Variants in SIN3B observed in about 807,000 individuals in gnomAD.
SIN3B encodes the protein paired amphipathic helix protein Sin3b.
A neutral mutation model predicts 120.2 loss-of-function variants in SIN3B; 19 were observed. The ratio of observed to expected loss-of-function variants is 0.16; its 90% CI spans 0.11 to 0.23. The LOEUF (loss-of-function observed/expected upper bound fraction) is 0.23. Ranked by LOEUF, SIN3B falls within the 10% of genes least tolerant of loss-of-function variation. The pLI is 1.00. For synonymous variants in SIN3B, 654 were observed against 653.2 expected (o/e 1.00, Z -0.02); for missense variants, 1,073 against 1,573.0 (o/e 0.68, Z 5.38).
Position 16,862,809 on chromosome 19 carries a change from T to TA in SIN3B, c.1266+251dup. The TA allele has an allele frequency of 8.1e-7, 1 of 1,230,404 alleles. No homozygotes were observed. Among genetic ancestry groups the TA allele is most frequent in the Non-Finnish European group, 1.2e-6 (1 of 835,512 alleles). 76.2% of individuals were successfully genotyped at this position (1,230,404 alleles called of 1,614,324 possible). A position where few individuals can be genotyped will look rare whatever the true frequency, so the allele number is the denominator to read the frequency against. ...CGTGGAGTTCGGCTTATTCATCTGT[T>TA]ATTTGACTTAGGTTTATTGCTGCCA... On this transcript the variant is annotated intron_variant, in intron 9 of 18. Coordinates refer to ENST00000248054, the MANE Select transcript of SIN3B (RefSeq NM_001297595.2). This position sits in a 1 kb window ranked among gnomAD's most constrained non-coding sequence, Gnocchi z 4.7.
chr19:16,869,557 C>T lies in SIN3B; in HGVS notation c.1904C>T (p.Ala635Val), dbSNP rs773092558. 1.2e-5 allele frequency: 20 copies of T among 1,613,734 alleles called. No homozygotes were observed. Among genetic ancestry groups the T allele is most frequent in the African/African-American group, 2.7e-5 (2 of 74,952 alleles). ...CGGCAGATCCTGGAGGACGCAGCAG[C>T]GCTCATCAGCTACTACGTGAAGCGG... is the stretch of plus-strand genomic sequence containing the variant. ...EDRQILEDAA[A>V]LISYYVKRQP... is the part of the protein sequence containing the mutation. Residue 635 changes from alanine to valine, a missense_variant, in exon 13 of 19, where the codon GCG becomes GTG. Physicochemically the swap from Ala to Val is moderately conservative, Grantham distance 64 (BLOSUM62 0). This residue lies in a region of SIN3B where 169 missense variants were observed against 207.3 expected (regional missense o/e 0.82). Transcript: ENST00000248054.
chr19:16,878,926 A>ATTTATT lies in SIN3B; in HGVS notation c.*199_*200insTTTATT. The ATTTATT allele has an allele frequency of 1.7e-6, 1 of 585,756 alleles. No homozygotes were observed. Among genetic ancestry groups the ATTTATT allele is most frequent in the Non-Finnish European group, 3.0e-6 (1 of 334,630 alleles). The allele number at this position is 585,756 out of a possible 1,614,324, so 36.3% of individuals were successfully genotyped here. A position where few individuals can be genotyped will look rare whatever the true frequency, so the allele number is the denominator to read the frequency against. ...GCCTGCTGTGTGCCAAACCTGAGCT[A>ATTTATT]CCTGCACCCGAGCCCTGGGGCTCAG... On this transcript the variant is annotated 3_prime_UTR_variant, in exon 19 of 19. Coordinates refer to ENST00000248054, the MANE Select transcript of SIN3B (RefSeq NM_001297595.2).
chr19:16,851,399 C>T lies in SIN3B; in HGVS notation c.727-13C>T. Reference sequence around the variant, plus strand: ...CGTCTCCGGTGCTGACCACCTCCCACATGTGTCCTTAGTTCACAGGAAACG... The same window carrying T: ...CGTCTCCGGTGCTGACCACCTCCCATATGTGTCCTTAGTTCACAGGAAACG... On this transcript the variant is annotated splice_polypyrimidine_tract_variant and intron_variant, in intron 5 of 18. Transcript: ENST00000248054. The T allele has an allele frequency of 1.3e-6, 2 of 1,585,984 alleles. No homozygotes were observed. The highest frequency in any genetic ancestry group is 1.2e-5 in the South Asian group (1 of 86,570).
Position 16,865,588 on chromosome 19 carries a change from C to A in SIN3B, c.1562C>A (p.Pro521Gln). Reference protein sequence around the residue: ...AIYRIYGDKAPEIIESLKKNP... With the variant: ...AIYRIYGDKAQEIIESLKKNP... ...TATCGCATCTATGGCGACAAGGCCCCGGAGATCATCGAGAGCCTCAAGAAG... is the reference window on the plus strand; with the variant it reads ...TATCGCATCTATGGCGACAAGGCCCAGGAGATCATCGAGAGCCTCAAGAAG... Residue 521 changes from proline (P) to glutamine (Q), a missense_variant, in exon 11 of 19, where the codon CCG (proline) becomes CAG (glutamine). Coordinates refer to ENST00000248054, the MANE Select transcript of SIN3B (RefSeq NM_001297595.2). The A allele has an allele frequency of 1.2e-6, 2 of 1,612,882 alleles. No homozygotes were observed. Among genetic ancestry groups the A allele is most frequent in the Non-Finnish European group, 1.7e-6 (2 of 1,179,368 alleles).
intron 3 of SIN3B, among the ~76,000 whole-genome samples, chr19:16,834,016 C>T (rs888910139): frequency 3.9e-5 from 6 of 152,080 alleles, no homozygotes; most frequent in African/African-American, 1.4e-4. Flanking sequence ...TGAGCCACCG[C>T]ACCCAGCTGA....
intron 5 of SIN3B, among the ~76,000 whole-genome samples, chr19:16,850,431 T>G (rs1020721271): frequency 6.6e-6 from 1 of 152,142 alleles, no homozygotes; most frequent in African/African-American, 2.4e-5. Context: ...CTTGGGTTTT[T>G]GGGGTTTTTC....
chr19:16,868,410 G>A (rs1193264052), intron 12 of SIN3B, among the ~76,000 whole-genome samples: 4 of 152,310 alleles, frequency 2.6e-5, no homozygotes, highest in South Asian at 2.1e-4. Flanking sequence ...GCCCTGCTGC[G>A]TCTGCCTCCC....
chr19:16,840,944 C>T (rs972571703), intron 3 of SIN3B, among the ~76,000 whole-genome samples: 2 of 152,150 alleles, frequency 1.3e-5, no homozygotes, highest in Admixed American at 6.5e-5. Context: ...AAAGAGCGTT[C>T]TCTAGGACTC....
chr19:16,854,207 A>G lies in SIN3B; in HGVS notation c.1004A>G (p.Asn335Ser), dbSNP rs760132977. Reference sequence around the variant, plus strand: ...TTCCTCCGCTGCATCGCACTCTTCAACCAGGAGCTGGTGTCTGGCTCTGAG... The same window carrying G: ...TTCCTCCGCTGCATCGCACTCTTCAGCCAGGAGCTGGTGTCTGGCTCTGAG... ...ENFLRCIALF[N>S]QELVSGSELL... The change falls in exon 8 of 19, where the codon AAC (asparagine) becomes AGC (serine). Residue 335 changes from asparagine to serine, a missense_variant. Transcript: ENST00000248054. 3 of 1,613,122 alleles carry G rather than the reference A, an allele frequency of 1.9e-6. No homozygotes were observed. The highest frequency in any genetic ancestry group is 1.3e-5 in the African/African-American group (1 of 75,006).
At chr19:16,854,355 G>A (rs1028652287) in intron 8 of SIN3B, 94 bp downstream of exon 8, 37 of 743,818 alleles carry the variant, frequency 5.0e-5, no homozygotes, top group Admixed American at 4.1e-4. Context: ...AGCAATGATT[G>A]TGCTTTTCTA....
In SIN3B at chr19:16,862,587, G is replaced by A. The variant is rs535662362; in HGVS notation, c.1266+28G>A. On this transcript the variant is annotated intron_variant, in intron 9 of 18. Coordinates refer to ENST00000248054, the MANE Select transcript of SIN3B (RefSeq NM_001297595.2). This position sits in a 1 kb window ranked among gnomAD's most constrained non-coding sequence, Gnocchi z 4.7. ...AGCGCTCCCTGGGGCTCAAATGTTC[G>A]TTGACATGGTGCATCCCCCACCCCT... 26 of 1,585,362 alleles carry A rather than the reference G, an allele frequency of 1.6e-5. No homozygotes were observed. Among genetic ancestry groups the A allele is most frequent in the African/African-American group, 9.4e-5 (7 of 74,364 alleles).
At chr19:16,873,465 G>A (rs2051538797) in intron 14 of SIN3B, among the ~76,000 whole-genome samples, 1 of 151,946 alleles carries the variant, frequency 6.6e-6, no homozygotes. Context: ...CCAGGGCCCA[G>A]CACATGGTGT....
intron 3 of SIN3B, among the ~76,000 whole-genome samples, chr19:16,831,970 A>T (rs1971284252): frequency 6.6e-6 from 1 of 152,204 alleles, no homozygotes; most frequent in Admixed American, 6.5e-5. Flanking sequence ...AGGCTTTCCC[A>T]GCGAGCATAC....
intron 4 of SIN3B, among the ~76,000 whole-genome samples, chr19:16,844,608 G>A (rs532414746): frequency 2.0e-5 from 3 of 152,342 alleles, no homozygotes; most frequent in African/African-American, 4.8e-5. Flanking sequence ...CCTCTGCAGA[G>A]TTGCAAAGTG....
In SIN3B at chr19:16,876,554, G is replaced by A; in HGVS notation, c.2835G>A (p.Gln945=). 1.2e-6 allele frequency: 2 copies of A among 1,613,472 alleles called. No homozygotes were observed. Among genetic ancestry groups the A allele is most frequent in the South Asian group, 2.2e-5 (2 of 91,090 alleles). ...AGCTCCTGGACACCGAGGAGGCCCA[G>A]ACGGAGGACCCTGTGGAGGTCCAGG... ...TIELLDTEEA[Q]TEDPVEVQHL... is the part of the protein sequence containing the mutation. Residue 945 remains glutamine, a synonymous_variant, in exon 16 of 19, where the codon CAG becomes CAA. Coordinates refer to ENST00000248054, the MANE Select transcript of SIN3B (RefSeq NM_001297595.2). The surrounding 1 kb of genome is among the most constrained non-coding windows in gnomAD (Gnocchi z 7.1).
intron 8 of SIN3B, among the ~76,000 whole-genome samples, chr19:16,858,076 C>T (rs931774219): frequency 5.9e-5 from 9 of 152,020 alleles, no homozygotes; most frequent in Non-Finnish European, 1.2e-4. Flanking sequence ...AGAGTTTCGC[C>T]ATGTTGGTCA....
intron 8 of SIN3B, among the ~76,000 whole-genome samples, chr19:16,860,201 C>T (rs1971667540): frequency 1.3e-5 from 2 of 152,166 alleles, no homozygotes; most frequent in Admixed American, 6.5e-5. Flanking sequence ...GGGTTAGGAG[C>T]GTTCACCACC....
chr19:16,859,294 C>T (rs899291403), intron 8 of SIN3B, among the ~76,000 whole-genome samples: 1 of 152,064 alleles, frequency 6.6e-6, no homozygotes, highest in Admixed American at 6.5e-5. Context: ...TCTCTGCCTT[C>T]TGGGCACAGT....
At position 16,876,181 on chromosome 19, in the gene SIN3B, T is replaced by A; in HGVS notation, c.2719T>A (p.Tyr907Asn). 2 of 1,613,352 alleles carry A rather than the reference T, an allele frequency of 1.2e-6. No individual in the cohort carries two copies. The highest frequency in any genetic ancestry group is 1.7e-6 in the Non-Finnish European group (2 of 1,179,920). The change falls in exon 15 of 19, where the codon TAC becomes AAC. Residue 907 changes from tyrosine (Y) to asparagine (N), a missense_variant. Physicochemically the swap from Tyr to Asn is moderately radical, Grantham distance 143 (BLOSUM62 -2). Transcript: ENST00000248054. This position sits in a 1 kb window ranked among gnomAD's most constrained non-coding sequence, Gnocchi z 7.1. Reference sequence around the variant, plus strand: ...CGTCCGCGCTGCTAGGGAGACCAGCTACCAGTGGAAGGCTGAGCGCTGCAT... The same window carrying A: ...CGTCCGCGCTGCTAGGGAGACCAGCAACCAGTGGAAGGCTGAGCGCTGCAT... ...RCVRAARETS[Y>N]QWKAERCMAD...
Sources: gnomAD v4.1 joint callset for allele counts (sites outside exome capture counted in the v4.1 genomes callset) on GRCh38, gnomAD v4.1.1 for gene constraint, gnomAD v4.1.1 regional missense constraint, Gnocchi (gnomAD v3.1) non-coding constraint, MANE v1.5 for transcripts, NCBI Gene and HGNC (gene_info 2026-07-23, HGNC 2026-07-21) for gene names.